PRICKLE2: variants seen among roughly 807,000 people sequenced by gnomAD.
PRICKLE2 encodes prickle planar cell polarity protein 2.
In PRICKLE2, 21 loss-of-function variants were observed where a neutral mutation model predicts 81.4. The ratio of observed to expected loss-of-function variants is 0.26; its 90% CI spans 0.18 to 0.37. PRICKLE2 has a LOEUF of 0.37. Among genes scored for constraint, PRICKLE2 ranks in the 10% least tolerant of loss-of-function variants. PRICKLE2 has a pLI of 1.00. For synonymous variants in PRICKLE2, 456 were observed against 421.5 expected (o/e 1.08, Z -1.00); for missense variants, 940 against 1,109.0 (o/e 0.85, Z 2.16).
chr3:64,146,826 C>A lies in PRICKLE2; in HGVS notation c.1660+4G>T. ...TATCTGTTTTCAAGGTGAACAGAAC[C>A]TACCTGTTGCATTAGACAGGGCCAG... On this transcript the variant is annotated splice_donor_region_variant and intron_variant, in intron 7 of 7. Coordinates refer to ENST00000638394, the MANE Select transcript of PRICKLE2 (RefSeq NM_198859.4). 3.7e-6 allele frequency: 6 copies of A among 1,614,082 alleles called. No homozygotes were observed. Among genetic ancestry groups the A allele is most frequent in the Non-Finnish European group, 5.1e-6 (6 of 1,179,998 alleles).
intron 7 of PRICKLE2, among the ~76,000 whole-genome samples, chr3:64,139,404 G>A (rs1235846771): frequency 6.6e-6 from 1 of 152,040 alleles, no homozygotes; most frequent in Non-Finnish European, 1.5e-5. Context: ...ACTCCCCTTG[G>A]GACACTGTAA....
chr3:64,124,964 T>C (rs1207825330), intron 7 of PRICKLE2, among the ~76,000 whole-genome samples: 1 of 152,202 alleles, frequency 6.6e-6, no homozygotes, highest in East Asian at 1.9e-4. Flanking sequence ...ATTCCTCTGA[T>C]GGATCTGGGC....
chr3:64,216,799 C>T (rs770425203), intron 1 of PRICKLE2, among the ~76,000 whole-genome samples: 20 of 152,110 alleles, frequency 1.3e-4, no homozygotes, highest in Non-Finnish European at 2.6e-4. Context: ...GAGAGGAGCA[C>T]GTGAATTCTT....
chr3:64,263,955 A>T (rs1238774176), intron 2 of PRICKLE2, among the ~76,000 whole-genome samples: 1 of 152,150 alleles, frequency 6.6e-6, no homozygotes, highest in East Asian at 1.9e-4. Flanking sequence ...TGTCTACAGA[A>T]TGCCAGCATC....
At chr3:64,123,412 G>T (rs960370907) in intron 7 of PRICKLE2, among the ~76,000 whole-genome samples, 2 of 152,174 alleles carry the variant, frequency 1.3e-5, no homozygotes, top group Admixed American at 1.3e-4. Context: ...ATGCTCAAGG[G>T]AGCATTTCAA....
intron 1 of PRICKLE2, among the ~76,000 whole-genome samples, chr3:64,216,358 C>T (rs1267142292): frequency 6.6e-6 from 1 of 152,106 alleles, no homozygotes; most frequent in Non-Finnish European, 1.5e-5. Flanking sequence ...CAATTCTGTC[C>T]AGTCCTTTGC....
intron 2 of PRICKLE2, among the ~76,000 whole-genome samples, chr3:64,188,154 A>G (rs2078269259): frequency 6.6e-6 from 1 of 152,222 alleles, no homozygotes; most frequent in Non-Finnish European, 1.5e-5. Context: ...TGATGAGGAC[A>G]GCAGCTACCA....
intron 2 of PRICKLE2, among the ~76,000 whole-genome samples, chr3:64,171,699 T>C (rs995100874): frequency 6.6e-6 from 1 of 152,196 alleles, no homozygotes; most frequent in Non-Finnish European, 1.5e-5. Context: ...GACAGACACA[T>C]ACAGCAAGAG....
chr3:64,121,965 C>G (rs2077035563), intron 7 of PRICKLE2, among the ~76,000 whole-genome samples: 1 of 152,160 alleles, frequency 6.6e-6, no homozygotes, highest in African/African-American at 2.4e-5. Flanking sequence ...CCAAGCTCCT[C>G]CCAGCTGAGT....
chr3:64,157,017 G>T, intron 5 of PRICKLE2, 145 bp downstream of exon 5: 1 of 768,378 alleles, frequency 1.3e-6, no homozygotes, highest in Non-Finnish European at 2.3e-6. Flanking sequence ...CCAGGGATGG[G>T]TGGGGCTTCT....
intron 2 of PRICKLE2, among the ~76,000 whole-genome samples, chr3:64,253,216 G>A (rs1050981383): frequency 6.6e-6 from 1 of 152,194 alleles, no homozygotes; most frequent in Non-Finnish European, 1.5e-5. Flanking sequence ...AGGGCAATTT[G>A]TTGAGGTAGA....
chr3:64,178,919 A>G (rs568928332), intron 2 of PRICKLE2, among the ~76,000 whole-genome samples: 2 of 152,288 alleles, frequency 1.3e-5, no homozygotes, highest in Admixed American at 6.5e-5. Flanking sequence ...CATGCCCAAC[A>G]GCACTATAAC....
At chr3:64,123,091 T>C (rs1164852455) in intron 7 of PRICKLE2, among the ~76,000 whole-genome samples, 2 of 152,212 alleles carry the variant, frequency 1.3e-5, no homozygotes, top group East Asian at 1.9e-4. Context: ...CCTACCCTTT[T>C]GATGGAAGTG....
At chr3:64,103,889 A>G (rs1219443102) in intron 7 of PRICKLE2, among the ~76,000 whole-genome samples, 1 of 152,158 alleles carries the variant, frequency 6.6e-6, no homozygotes, top group Non-Finnish European at 1.5e-5. Flanking sequence ...CTGAGGTGGC[A>G]GTATCACCTG....
At chr3:64,208,116 T>G (rs1240689407) in intron 1 of PRICKLE2, among the ~76,000 whole-genome samples, 1 of 152,044 alleles carries the variant, frequency 6.6e-6, no homozygotes, top group African/African-American at 2.4e-5. Flanking sequence ...GGGAATTAGG[T>G]GTCTGGGTAA....
chr3:64,232,684 G>C (rs12637148), intron 2 of PRICKLE2, among the ~76,000 whole-genome samples: 5 of 152,116 alleles, frequency 3.3e-5, no homozygotes, highest in Non-Finnish European at 5.9e-5. Flanking sequence ...CACACCTTTA[G>C]GCTGATGACT....
chr3:64,234,769 T>A (rs1056849198), intron 2 of PRICKLE2, among the ~76,000 whole-genome samples: 2 of 152,204 alleles, frequency 1.3e-5, no homozygotes, highest in African/African-American at 2.4e-5. Context: ...GTCGTTCCCT[T>A]GTAAGTGATG....
chr3:64,146,557 C>A (rs995668600), intron 7 of PRICKLE2: 11 of 392,894 alleles, frequency 2.8e-5, no homozygotes, highest in Admixed American at 7.2e-5. Flanking sequence ...TCCCGGCTAA[C>A]ACGGTGAAAC....
chr3:64,109,908 G>C (rs183424067), intron 7 of PRICKLE2, among the ~76,000 whole-genome samples: 1 of 152,326 alleles, frequency 6.6e-6, no homozygotes, highest in East Asian at 1.9e-4. Flanking sequence ...ATAAAAACTT[G>C]AGTGTGGATT....
Sources: allele counts gnomAD v4.1 joint callset (sites outside exome capture counted in the v4.1 genomes callset), GRCh38; gene constraint gnomAD v4.1.1; transcripts MANE v1.5; gene names NCBI Gene and HGNC (gene_info 2026-07-23, HGNC 2026-07-21).